The following ERG variants were observed in gnomAD, a reference collection of about 807,000 sequenced individuals.
The protein encoded by ERG is transcriptional regulator ERG.
ERG carries 9 observed loss-of-function variants against 55.3 expected under a neutral mutation model. The ratio of observed to expected loss-of-function variants is 0.16; its 90% CI spans 0.10 to 0.28. ERG has a LOEUF of 0.28. ERG is among the 10% of genes least tolerant of loss of function. ERG has a pLI of 1.00. For missense variants in ERG, 434 were observed against 631.6 expected, an observed-to-expected ratio of 0.69 and a Z score of 3.35; for synonymous variants, 223 against 237.3, an observed-to-expected ratio of 0.94 and a Z score of 0.55.
chr21:38,425,000 A>C (rs553870618), intron 2 of ERG, among the ~76,000 whole-genome samples: 24 of 152,332 alleles, frequency 1.6e-4, no homozygotes, highest in African/African-American at 5.1e-4. Flanking sequence ...ACCTTTCTGG[A>C]AAAAGAAAAG....
intron 2 of ERG, among the ~76,000 whole-genome samples, chr21:38,527,872 G>A (rs995599982): frequency 7.2e-5 from 11 of 152,168 alleles, no homozygotes; most frequent in African/African-American, 1.9e-4. Flanking sequence ...AGATTGTTCC[G>A]TGAGTTTGGT....
At chr21:38,613,301 G>A (rs769569562) in intron 1 of ERG, among the ~76,000 whole-genome samples, 23 of 152,102 alleles carry the variant, frequency 1.5e-4, no homozygotes, top group Non-Finnish European at 2.9e-4. Context: ...TAGCACACGC[G>A]GCCCCTTTCC....
At chr21:38,403,430 TG>T in intron 4 of ERG, 75 bp downstream of exon 4, 1 of 1,442,166 alleles carries the variant, frequency 6.9e-7, no homozygotes, top group Non-Finnish European at 9.7e-7. Flanking sequence ...TCGACACACC[TG>T]GTTGAACCCT....
chr21:38,428,007 A>G (rs1413349985), intron 2 of ERG, among the ~76,000 whole-genome samples: 1 of 151,976 alleles, frequency 6.6e-6, no homozygotes. Flanking sequence ...GACAACATGA[A>G]AAATGTGTTT....
At chr21:38,446,700 A>C (rs2058895654) in intron 1 of ERG, among the ~76,000 whole-genome samples, 3 of 152,194 alleles carry the variant, frequency 2.0e-5, no homozygotes, top group Non-Finnish European at 4.4e-5. Flanking sequence ...AAAGAAAAAG[A>C]AAAGAACTTT....
At chr21:38,443,010 T>C (rs2058856476) in intron 2 of ERG, among the ~76,000 whole-genome samples, 2 of 152,164 alleles carry the variant, frequency 1.3e-5, no homozygotes, top group Admixed American at 6.5e-5. Flanking sequence ...GGTTTCACCA[T>C]GTTAGCCAGG....
intron 6 of ERG, among the ~76,000 whole-genome samples, chr21:38,394,003 A>G (rs925001145): frequency 6.6e-6 from 1 of 152,164 alleles, no homozygotes; most frequent in Non-Finnish European, 1.5e-5. Flanking sequence ...ACTTCAACTT[A>G]AGTCTCTGGG....
intron 2 of ERG, among the ~76,000 whole-genome samples, chr21:38,441,614 C>A (rs2058841601): frequency 1.3e-5 from 2 of 152,212 alleles, no homozygotes; most frequent in African/African-American, 4.8e-5. Context: ...ACACTGAGCT[C>A]TGGGGGAGAC....
chr21:38,506,837 CACTGCGGTTTAGGAT>C (rs1568865018), intron 2 of ERG, among the ~76,000 whole-genome samples: 1 of 152,112 alleles, frequency 6.6e-6, no homozygotes, highest in East Asian at 1.9e-4. Context: ...AGGCTTCACC[CACTGCGGTTTAGGAT>C]ACATTTTCCT....
chr21:38,408,389 A>C (rs770218522), intron 3 of ERG, among the ~76,000 whole-genome samples: 5 of 152,214 alleles, frequency 3.3e-5, no homozygotes, highest in Admixed American at 6.5e-5. Context: ...GTGAAGGACT[A>C]GCACCTTCTT....
chr21:38,605,035 G>C (rs1195647349), intron 1 of ERG, among the ~76,000 whole-genome samples: 1 of 152,114 alleles, frequency 6.6e-6, no homozygotes, highest in Non-Finnish European at 1.5e-5. Flanking sequence ...TTCTCCATCT[G>C]TCCTCTCTTC....
intron 1 of ERG, among the ~76,000 whole-genome samples, chr21:38,494,147 A>G (rs572143201): frequency 1.8e-4 from 27 of 152,272 alleles, no homozygotes; most frequent in Non-Finnish European, 2.6e-4. Context: ...GCGGCCACGT[A>G]AGGTGAGAGA....
chr21:38,590,814 C>CA (rs1382050507), intron 1 of ERG, among the ~76,000 whole-genome samples: 2 of 152,222 alleles, frequency 1.3e-5, no homozygotes, highest in Non-Finnish European at 1.5e-5. Context: ...GTGAGAGAGA[C>CA]AGAGTTGTAA....
intron 1 of ERG, among the ~76,000 whole-genome samples, chr21:38,455,037 C>A (rs2058974409): frequency 6.6e-6 from 1 of 151,948 alleles, no homozygotes; most frequent in Non-Finnish European, 1.5e-5. Context: ...TTGGTATTCT[C>A]TACATAACAA....
intron 3 of ERG, 24 bp downstream of exon 3, chr21:38,423,386 G>A (rs764985792): frequency 1.2e-6 from 2 of 1,603,162 alleles, no homozygotes; most frequent in East Asian, 2.2e-5. Flanking sequence ...TCTGCCGAGG[G>A]CAGTGAAGCT....
chr21:38,543,632 T>C (rs1180629885), intron 2 of ERG, among the ~76,000 whole-genome samples: 1 of 151,900 alleles, frequency 6.6e-6, no homozygotes, highest in Non-Finnish European at 1.5e-5. Flanking sequence ...TCCCTTCTCA[T>C]TGGAAGAGAC....
chr21:38,442,728 T>C (rs2058853204), intron 2 of ERG, among the ~76,000 whole-genome samples: 1 of 152,348 alleles, frequency 6.6e-6, no homozygotes, highest in Admixed American at 6.5e-5. Flanking sequence ...AGACATCAGC[T>C]ACCAAGGGGC....
At chr21:38,384,945 T>C (rs1274717999) in intron 9 of ERG, among the ~76,000 whole-genome samples, 3 of 151,930 alleles carry the variant, frequency 2.0e-5, no homozygotes, top group African/African-American at 4.8e-5. Flanking sequence ...GCAACGCCAA[T>C]TGTGTTAAGC....
At chr21:38,637,112 T>C (rs1174987003) in intron 1 of ERG, among the ~76,000 whole-genome samples, 1 of 152,196 alleles carries the variant, frequency 6.6e-6, no homozygotes, top group Non-Finnish European at 1.5e-5. Flanking sequence ...AGCATCCTTC[T>C]GCTCAGCCAC....
Sources: allele counts gnomAD v4.1 joint callset (sites outside exome capture counted in the v4.1 genomes callset), GRCh38; gene constraint gnomAD v4.1.1; transcripts MANE v1.5; gene names NCBI Gene and HGNC (gene_info 2026-07-23, HGNC 2026-07-21).